IL1RAPL2: variants seen among roughly 807,000 people sequenced by gnomAD.
IL1RAPL2 encodes the protein X-linked interleukin-1 receptor accessory protein-like 2.
IL1RAPL2 carries 3 observed loss-of-function variants against 44.1 expected under a neutral mutation model. The ratio of observed to expected loss-of-function variants is 0.07; its 90% CI spans 0.03 to 0.18. The LOEUF (loss-of-function observed/expected upper bound fraction) is 0.18. IL1RAPL2 is among the 10% of genes least tolerant of loss of function. The pLI is 1.00. For missense variants in IL1RAPL2, 391 were observed against 496.4 expected (o/e 0.79, Z 2.02); for synonymous variants, 181 against 178.8 (o/e 1.01, Z -0.10).
intron 6 of IL1RAPL2, among the ~76,000 whole-genome samples, chrX:105,607,329 T>A (rs2147825087): frequency 9.0e-6 from 1 of 110,525 alleles, no homozygotes; most frequent in South Asian, 3.8e-4. Flanking sequence ...TGGCTTTTTT[T>A]AATGGTACGT....
At chrX:104,790,161 T>G (rs1932818148) in intron 2 of IL1RAPL2, among the ~76,000 whole-genome samples, 1 of 112,181 alleles carries the variant, frequency 8.9e-6, no homozygotes, top group Non-Finnish European at 1.9e-5. Flanking sequence ...TAAATAAATC[T>G]AGGGTTGTGA....
At chrX:104,943,936 A>T (rs767108286) in intron 2 of IL1RAPL2, among the ~76,000 whole-genome samples, 36 of 112,128 alleles carry the variant, frequency 3.2e-4, no homozygotes, top group Non-Finnish European at 6.0e-4. Flanking sequence ...TTTGTTCAAT[A>T]AACAAATAAT....
rs995191445 is a variant in IL1RAPL2, at chrX:104,585,344, T to A, written c.-20+18293T>A. ...ATTATATATAATATATATTATATAT[T>A]ATATATATTATATATATTATATATA... is the stretch of plus-strand genomic sequence containing the variant. On this transcript the variant is annotated intron_variant, in intron 1 of 10. Coordinates refer to ENST00000372582, the MANE Select transcript of IL1RAPL2 (RefSeq NM_017416.2). Among the ~76,000 whole-genome samples, 46 of 12,092 alleles carry A rather than the reference T, an allele frequency of 3.8e-3. 2 individuals carry two copies. Among genetic ancestry groups the A allele is most frequent in the African/African-American group, 0.017 (30 of 1,763 alleles). 10.5% of individuals were successfully genotyped at this position (12,092 alleles called of 115,157 possible). A position where few individuals can be genotyped will look rare whatever the true frequency, so the allele number is the denominator to read the frequency against.
At chrX:105,206,748 T>C (rs2033767639) in intron 3 of IL1RAPL2, among the ~76,000 whole-genome samples, 1 of 112,019 alleles carries the variant, frequency 8.9e-6, no homozygotes, top group Non-Finnish European at 1.9e-5. Context: ...TCTTCTTGTT[T>C]TACCAAGTTT....
chrX:105,097,330 C>CAAAAAAAAA (rs201390547), intron 2 of IL1RAPL2, among the ~76,000 whole-genome samples: 24 of 43,180 alleles, frequency 5.6e-4, no homozygotes, highest in African/African-American at 2.0e-3. Context: ...CAGTGTCAGA[C>CAAAAAAAAA]AAAAAAAAAA....
chrX:104,602,633 C>T (rs777654062), intron 1 of IL1RAPL2, among the ~76,000 whole-genome samples: 1 of 111,179 alleles, frequency 9.0e-6, no homozygotes, highest in South Asian at 4.0e-4. Context: ...CCAGGACATT[C>T]GAGCTTGTTC....
intron 2 of IL1RAPL2, among the ~76,000 whole-genome samples, chrX:104,681,137 A>G (rs1488413740): frequency 8.9e-6 from 1 of 111,971 alleles, no homozygotes; most frequent in Non-Finnish European, 1.9e-5. Flanking sequence ...TTTTAAATTG[A>G]TCTCTTTCTT....
intron 5 of IL1RAPL2, among the ~76,000 whole-genome samples, chrX:105,313,359 A>G (rs1403262022): frequency 2.7e-5 from 3 of 112,248 alleles, no homozygotes; most frequent in Non-Finnish European, 3.8e-5. Flanking sequence ...TGTGAAACCT[A>G]GTGATCAGAA....
intron 5 of IL1RAPL2, chrX:105,406,721 G>T (rs952592461): frequency 8.4e-7 from 1 of 1,193,157 alleles, no homozygotes; most frequent in Non-Finnish European, 1.1e-6. Context: ...AAGATGCTCT[G>T]TTCTAATGCA....
At chrX:104,728,603 C>T (rs1033819119) in intron 2 of IL1RAPL2, among the ~76,000 whole-genome samples, 5 of 111,033 alleles carry the variant, frequency 4.5e-5, no homozygotes, top group Admixed American at 2.9e-4. Flanking sequence ...ACATGACTGA[C>T]GTCCTTATAA....
At chrX:104,880,859 A>G (rs1923049204) in intron 2 of IL1RAPL2, among the ~76,000 whole-genome samples, 1 of 111,817 alleles carries the variant, frequency 8.9e-6, no homozygotes, top group African/African-American at 3.2e-5. Context: ...CACGCCATCA[A>G]CTTTTGAGTC....
rs558435502 is a variant in IL1RAPL2, at chrX:105,466,557, A to C, written c.698-17756A>C. On this transcript the variant is annotated intron_variant, in intron 5 of 10. Transcript: ENST00000372582. ...TGCAAAAACTTCAACTGTCCCTTCAAGAAAGATGATCACATCCTACTTCAT... is the reference window on the plus strand; with the variant it reads ...TGCAAAAACTTCAACTGTCCCTTCACGAAAGATGATCACATCCTACTTCAT... Among the ~76,000 whole-genome samples the C allele has an allele frequency of 9.6e-4, 107 of 111,783 alleles. 2 individuals carry two copies. In the South Asian group the frequency reaches 0.039, roughly 40 times the overall value.
chrX:105,761,220 TAC>T (rs113089380), intron 10 of IL1RAPL2, among the ~76,000 whole-genome samples: 3,721 of 83,950 alleles, frequency 0.044, 61 homozygotes, highest in South Asian at 0.072. Flanking sequence ...ACTCTTCCTA[TAC>T]ACACACACAC....
intron 5 of IL1RAPL2, among the ~76,000 whole-genome samples, chrX:105,385,659 G>A (rs2035471232): frequency 9.0e-6 from 1 of 111,188 alleles, no homozygotes; most frequent in South Asian, 3.7e-4. Context: ...TGAATGACAA[G>A]GAAAGTGATT....
intron 5 of IL1RAPL2, among the ~76,000 whole-genome samples, chrX:105,309,878 G>A (rs778570397): frequency 1.8e-5 from 2 of 111,709 alleles, no homozygotes; most frequent in Non-Finnish European, 3.8e-5. Context: ...GTATACATAT[G>A]TGTATGTGTG....
intron 3 of IL1RAPL2, chrX:105,219,758 C>T (rs782719981): frequency 1.7e-6 from 2 of 1,199,054 alleles, no homozygotes; most frequent in African/African-American, 1.8e-5. Context: ...GACACCAGCT[C>T]CTGGAGAGAA....
chrX:105,348,146 C>T lies in IL1RAPL2; in HGVS notation c.697+80605C>T, dbSNP rs758183617. Among the ~76,000 whole-genome samples the T allele has an allele frequency of 1.3e-4, 14 of 111,680 alleles. No individual in the cohort carries two copies. The South Asian group carries it at 1.9e-3, about 15-fold the overall frequency. ...TACAAACCAGCAATTCTTTGATAGC[C>T]GGTTCTGGGCCTTAATATATCTCTG... On this transcript the variant is annotated intron_variant, in intron 5 of 10. Coordinates refer to ENST00000372582, the MANE Select transcript of IL1RAPL2 (RefSeq NM_017416.2).
At chrX:105,192,252 TGCATGCA>T (rs2033639022) in intron 2 of IL1RAPL2, among the ~76,000 whole-genome samples, 1 of 112,225 alleles carries the variant, frequency 8.9e-6, no homozygotes, top group Admixed American at 9.4e-5. Context: ...AAATCTGACT[TGCATGCA>T]TTACTTTTAA....
In IL1RAPL2 at chrX:105,347,556, C is replaced by CCAT. The variant is rs35941963; in HGVS notation, c.697+80060_697+80062dup. Among the ~76,000 whole-genome samples the CCAT allele has an allele frequency of 2.7e-3, 275 of 100,521 alleles. 3 individuals carry two copies. The highest frequency in any genetic ancestry group is 0.015 in the Middle Eastern group (3 of 197). 87.3% of individuals were successfully genotyped at this position (100,521 alleles called of 115,157 possible). On this transcript the variant is annotated intron_variant, in intron 5 of 10. Transcript: ENST00000372582. ...TCCTCCCGCTCTTCCCTCTCTTCCT[C>CCAT]CATCATCATCATCATCATCATCATC...
Sources: allele counts gnomAD v4.1 joint callset (sites outside exome capture counted in the v4.1 genomes callset), GRCh38; gene constraint gnomAD v4.1.1; transcripts MANE v1.5; gene names NCBI Gene and HGNC (gene_info 2026-07-23, HGNC 2026-07-21).